CDYL2: variants seen among roughly 807,000 people sequenced by gnomAD.
CDYL2 encodes chromodomain Y like 2, also known as chromodomain Y-like protein 2.
In CDYL2, 23 loss-of-function variants were observed where a neutral mutation model predicts 49.4. The observed-to-expected ratio is 0.47, with a 90% CI of 0.34 to 0.66. The LOEUF (loss-of-function observed/expected upper bound fraction) is 0.66. Ranked by LOEUF, CDYL2 falls within the 30% of genes least tolerant of loss-of-function variation. The pLI, the probability that CDYL2 is intolerant of heterozygous loss-of-function variation, is 0.01. For synonymous variants in CDYL2, 360 were observed against 268.8 expected, an observed-to-expected ratio of 1.34 and a Z score of -3.32; for missense variants, 678 against 656.4, an observed-to-expected ratio of 1.03 and a Z score of -0.36.
chr16:80,743,467 G>C (rs1195239864), intron 1 of CDYL2, among the ~76,000 whole-genome samples: 1 of 138,150 alleles, frequency 7.2e-6, no homozygotes, highest in Non-Finnish European at 1.6e-5. Context: ...AGCTCTAACA[G>C]AAGTAGCAGC....
At chr16:80,734,440 C>T (rs890615478) in intron 1 of CDYL2, among the ~76,000 whole-genome samples, 5 of 152,050 alleles carry the variant, frequency 3.3e-5, no homozygotes, top group African/African-American at 1.2e-4. Flanking sequence ...AAGACTAATG[C>T]ATTGAGGGTG....
chr16:80,764,922 C>T (rs1056791661), intron 1 of CDYL2, among the ~76,000 whole-genome samples: 1 of 150,984 alleles, frequency 6.6e-6, no homozygotes, highest in African/African-American at 2.4e-5. Flanking sequence ...TAGCCGGGTG[C>T]AGTGGTTGGC....
chr16:80,670,302 C>A (rs1909447158), intron 2 of CDYL2, among the ~76,000 whole-genome samples: 1 of 152,062 alleles, frequency 6.6e-6, no homozygotes, highest in African/African-American at 2.4e-5. Context: ...GGGGCGGTTA[C>A]CCTCATGCTG....
intron 2 of CDYL2, among the ~76,000 whole-genome samples, chr16:80,667,178 G>A (rs1023058746): frequency 6.6e-6 from 1 of 152,186 alleles, no homozygotes; most frequent in African/African-American, 2.4e-5. Context: ...ACAGCGGGAG[G>A]CATTCAGACA....
chr16:80,607,594 C>T (rs1299197765), intron 6 of CDYL2, among the ~76,000 whole-genome samples: 1 of 152,226 alleles, frequency 6.6e-6, no homozygotes, highest in Non-Finnish European at 1.5e-5. Flanking sequence ...ACCACTGCCT[C>T]TGCAGAGGTG....
chr16:80,712,191 G>GTATGTATA (rs1904636906), intron 1 of CDYL2, among the ~76,000 whole-genome samples: 2 of 107,934 alleles, frequency 1.9e-5, no homozygotes, highest in African/African-American at 5.8e-5. Context: ...GTCTGTGTGT[G>GTATGTATA]TATATATATA....
At chr16:80,629,036 C>T (rs1907431491) in intron 3 of CDYL2, among the ~76,000 whole-genome samples, 1 of 152,124 alleles carries the variant, frequency 6.6e-6, no homozygotes, top group African/African-American at 2.4e-5. Context: ...AGCATGAAAG[C>T]AAACCAGGTG....
At chr16:80,777,174 T>C (rs886685564) in intron 1 of CDYL2, among the ~76,000 whole-genome samples, 2 of 151,916 alleles carry the variant, frequency 1.3e-5, no homozygotes, top group East Asian at 3.9e-4. Context: ...AGAAGAAGAG[T>C]TAACCTCTTG....
At chr16:80,754,927 T>A (rs189228515) in intron 1 of CDYL2, among the ~76,000 whole-genome samples, 2 of 152,248 alleles carry the variant, frequency 1.3e-5, no homozygotes, top group Non-Finnish European at 2.9e-5. Flanking sequence ...GATGCCCCCA[T>A]GATTTACGAG....
At chr16:80,790,457 AAGGC>A in intron 1 of CDYL2, among the ~76,000 whole-genome samples, 1 of 152,312 alleles carries the variant, frequency 6.6e-6, no homozygotes, top group Non-Finnish European at 1.5e-5. Context: ...TTGCATCCTA[AAGGC>A]AGCTATTGTG....
At chr16:80,724,456 C>A (rs1228412771) in intron 1 of CDYL2, among the ~76,000 whole-genome samples, 1 of 152,150 alleles carries the variant, frequency 6.6e-6, no homozygotes. Flanking sequence ...CTGTAAAACT[C>A]TGGAGCTCTT....
At chr16:80,676,132 T>C (rs947687939) in intron 2 of CDYL2, among the ~76,000 whole-genome samples, 1 of 152,138 alleles carries the variant, frequency 6.6e-6, no homozygotes, top group Non-Finnish European at 1.5e-5. Flanking sequence ...GCACTTTCCA[T>C]GTGCATAGGG....
At chr16:80,679,838 A>G (rs1567568185) in intron 2 of CDYL2, 1 of 452,856 alleles carries the variant, frequency 2.2e-6, no homozygotes, top group Non-Finnish European at 4.4e-6. Flanking sequence ...CAATAGCAGC[A>G]TCTAGGAACT....
chr16:80,766,947 CAGG>C (rs1906747696), intron 1 of CDYL2, among the ~76,000 whole-genome samples: 2 of 152,136 alleles, frequency 1.3e-5, no homozygotes, highest in African/African-American at 4.8e-5. Flanking sequence ...CCCTAAGAAA[CAGG>C]TACTATTATT....
At chr16:80,772,634 G>A (rs185144518) in intron 1 of CDYL2, among the ~76,000 whole-genome samples, 2 of 152,112 alleles carry the variant, frequency 1.3e-5, no homozygotes, top group Admixed American at 1.3e-4. Context: ...TGTATTTTTA[G>A]TAGAGACGGG....
At chr16:80,776,349 T>G (rs1907082131) in intron 1 of CDYL2, among the ~76,000 whole-genome samples, 2 of 152,058 alleles carry the variant, frequency 1.3e-5, no homozygotes, top group African/African-American at 4.8e-5. Context: ...CTAGAAAAGA[T>G]GAATATACAC....
chr16:80,687,335 A>G (rs1387612131), intron 1 of CDYL2, among the ~76,000 whole-genome samples: 2 of 152,156 alleles, frequency 1.3e-5, no homozygotes, highest in African/African-American at 2.4e-5. Flanking sequence ...GTGGAGGACC[A>G]TGTTAGACAA....
At chr16:80,709,456 C>T (rs1904517772) in intron 1 of CDYL2, among the ~76,000 whole-genome samples, 1 of 151,620 alleles carries the variant, frequency 6.6e-6, no homozygotes, top group African/African-American at 2.4e-5. Flanking sequence ...GAGCATAACG[C>T]AAATTTTGCA....
At chr16:80,774,501 T>C (rs1024145086) in intron 1 of CDYL2, among the ~76,000 whole-genome samples, 14 of 152,154 alleles carry the variant, frequency 9.2e-5, no homozygotes, top group African/African-American at 3.1e-4. Flanking sequence ...TGACCACTGT[T>C]AATAACAATG....
Sources: allele counts gnomAD v4.1 joint callset (sites outside exome capture counted in the v4.1 genomes callset), GRCh38; gene constraint gnomAD v4.1.1; transcripts MANE v1.5; gene names NCBI Gene and HGNC (gene_info 2026-07-23, HGNC 2026-07-21).